The following RERE variants were observed in gnomAD, a reference collection of about 807,000 sequenced individuals.
The protein encoded by RERE is arginine-glutamic acid dipeptide repeats protein.
Under a neutral mutation model 146.1 loss-of-function variants are expected in RERE, and 40 were observed. The observed-to-expected ratio is 0.27, with a 90% CI of 0.21 to 0.36. RERE has a LOEUF of 0.36. Among genes scored for constraint, RERE ranks in the 10% least tolerant of loss-of-function variants. RERE has a pLI of 1.00. For synonymous variants in RERE, 1,003 were observed against 866.0 expected (o/e 1.16, Z -2.78); for missense variants, 1,933 against 2,138.7 (o/e 0.90, Z 1.90).
intron 1 of RERE, among the ~76,000 whole-genome samples, chr1:8,740,208 G>T (rs1038435931): frequency 2.6e-5 from 4 of 152,166 alleles, no homozygotes; most frequent in Non-Finnish European, 5.9e-5. Flanking sequence ...ATAGAGTGTA[G>T]TTACACAAGC....
At chr1:8,420,696 G>A (rs1407455498) in intron 12 of RERE, among the ~76,000 whole-genome samples, 1 of 152,188 alleles carries the variant, frequency 6.6e-6, no homozygotes, top group Non-Finnish European at 1.5e-5. Context: ...TAGTTCCAAT[G>A]ATGGTGACTG....
At chr1:8,635,984 T>G (rs1647097060) in intron 2 of RERE, among the ~76,000 whole-genome samples, 1 of 150,276 alleles carries the variant, frequency 6.7e-6, no homozygotes, top group Admixed American at 6.6e-5. Context: ...TATCTTATTT[T>G]ATTTTATTTT....
At chr1:8,690,858 T>C (rs1025481201) in intron 1 of RERE, among the ~76,000 whole-genome samples, 2 of 152,166 alleles carry the variant, frequency 1.3e-5, no homozygotes, top group Admixed American at 1.3e-4. Context: ...TACCTTTTGT[T>C]AGATGTGGCC....
chr1:8,460,369 C>A (rs762324797), intron 11 of RERE, among the ~76,000 whole-genome samples: 1 of 152,142 alleles, frequency 6.6e-6, no homozygotes, highest in African/African-American at 2.4e-5. Flanking sequence ...ACCGGCCGCA[C>A]GGGTTCACTG....
At chr1:8,441,925 C>T (rs1422613434) in intron 11 of RERE, among the ~76,000 whole-genome samples, 21 of 151,712 alleles carry the variant, frequency 1.4e-4, no homozygotes, top group Admixed American at 1.3e-3. Context: ...ACCATATGCC[C>T]GATTTCAATA....
intron 1 of RERE, among the ~76,000 whole-genome samples, chr1:8,768,012 G>A (rs1640880199): frequency 6.6e-6 from 1 of 151,944 alleles, no homozygotes; most frequent in South Asian, 2.1e-4. Context: ...ATAAATAAAA[G>A]TGATGGAGAA....
At chr1:8,551,722 C>T (rs1163873727) in intron 6 of RERE, among the ~76,000 whole-genome samples, 1 of 152,138 alleles carries the variant, frequency 6.6e-6, no homozygotes, top group Non-Finnish European at 1.5e-5. Flanking sequence ...GGATGTGGAA[C>T]CAGATGTGTG....
intron 12 of RERE, among the ~76,000 whole-genome samples, chr1:8,391,006 G>A (rs568843671): frequency 6.6e-6 from 1 of 151,990 alleles, no homozygotes; most frequent in African/African-American, 2.4e-5. Context: ...ATCCAATCTC[G>A]GGGTCACCTT....
At chr1:8,491,391 G>A (rs1005335038) in intron 10 of RERE, among the ~76,000 whole-genome samples, 3 of 152,234 alleles carry the variant, frequency 2.0e-5, no homozygotes, top group East Asian at 1.9e-4. Flanking sequence ...CCAAGATTGC[G>A]CCATTGCACT....
intron 1 of RERE, among the ~76,000 whole-genome samples, chr1:8,802,111 T>C (rs996470933): frequency 6.6e-6 from 1 of 152,242 alleles, no homozygotes; most frequent in Non-Finnish European, 1.5e-5. Context: ...TTGTATTTCA[T>C]TTGAACACAT....
chr1:8,805,017 T>TG (rs1641661985), intron 1 of RERE, among the ~76,000 whole-genome samples: 5 of 143,060 alleles, frequency 3.5e-5, no homozygotes, highest in African/African-American at 1.3e-4. Flanking sequence ...GGTTTTTTTT[T>TG]TTTTTTTTTT....
At chr1:8,539,098 T>C (rs529248121) in intron 7 of RERE, among the ~76,000 whole-genome samples, 2 of 152,364 alleles carry the variant, frequency 1.3e-5, no homozygotes, top group Admixed American at 1.3e-4. Context: ...AAAGCTACTT[T>C]AGTTAATTAA....
intron 10 of RERE, among the ~76,000 whole-genome samples, chr1:8,479,604 G>C (rs1005513798): frequency 1.3e-5 from 2 of 152,178 alleles, no homozygotes; most frequent in African/African-American, 2.4e-5. Flanking sequence ...AGAAGAGAAG[G>C]CAGCGTGAAG....
chr1:8,811,760 G>C (rs1272367708), intron 1 of RERE, among the ~76,000 whole-genome samples: 1 of 152,236 alleles, frequency 6.6e-6, no homozygotes, highest in East Asian at 1.9e-4. Context: ...ACTGTCTGAA[G>C]ATGCTGCACA....
At chr1:8,678,817 T>A (rs1455515643) in intron 1 of RERE, among the ~76,000 whole-genome samples, 1 of 152,230 alleles carries the variant, frequency 6.6e-6, no homozygotes, top group Non-Finnish European at 1.5e-5. Flanking sequence ...AATAATCATG[T>A]GTCCACAAAA....
At chr1:8,406,534 A>G (rs903901156) in intron 12 of RERE, among the ~76,000 whole-genome samples, 2 of 152,198 alleles carry the variant, frequency 1.3e-5, no homozygotes, top group Non-Finnish European at 2.9e-5. Context: ...AAATAATGTG[A>G]TAAGATGTTA....
chr1:8,631,892 T>G (rs1200903101), intron 2 of RERE, among the ~76,000 whole-genome samples: 4 of 152,250 alleles, frequency 2.6e-5, no homozygotes, highest in African/African-American at 9.6e-5. Flanking sequence ...GTAGTGCTTG[T>G]GGCACCACAG....
chr1:8,703,143 G>C (rs1045524799), intron 1 of RERE: 1 of 152,180 alleles, frequency 6.6e-6, no homozygotes, highest in Non-Finnish European at 1.5e-5. Flanking sequence ...CCCGCGGAAA[G>C]GGGCGGCGCA....
chr1:8,815,516 A>C (rs563114342), intron 1 of RERE, among the ~76,000 whole-genome samples: 1 of 152,322 alleles, frequency 6.6e-6, no homozygotes, highest in South Asian at 2.1e-4. Context: ...TTATCTTTAC[A>C]TATACAAAAA....
Sources: gnomAD v4.1 joint callset for allele counts (sites outside exome capture counted in the v4.1 genomes callset) on GRCh38, gnomAD v4.1.1 for gene constraint, MANE v1.5 for transcripts, NCBI Gene and HGNC (gene_info 2026-07-23, HGNC 2026-07-21) for gene names.